The following TMEM266 variants were observed in gnomAD, a reference collection of about 807,000 sequenced individuals.
The protein encoded by TMEM266 is transmembrane protein 266, also known as Hv1 related protein 1.
In TMEM266, 33 loss-of-function variants were observed where a neutral mutation model predicts 50.5. That is an observed-to-expected ratio of 0.65 (90% CI 0.50 to 0.87). TMEM266 has a LOEUF of 0.87. Among genes scored for constraint, TMEM266 ranks in the 40% least tolerant of loss-of-function variants. TMEM266 has a pLI of 0.00. For missense variants in TMEM266, 655 were observed against 695.1 expected (o/e 0.94, Z 0.65); for synonymous variants, 310 against 292.3 (o/e 1.06, Z -0.62).
chr15:76,075,724 A>G (rs552706432), intron 1 of TMEM266, among the ~76,000 whole-genome samples: 2 of 150,664 alleles, frequency 1.3e-5, no homozygotes, highest in African/African-American at 4.9e-5. Context: ...ACTTAGATAT[A>G]TAGGAGTGTC....
chr15:76,171,080 A>G lies in TMEM266; in HGVS notation c.601A>G (p.Ile201Val), dbSNP rs1208867721. The change falls in exon 7 of 11, where the codon ATC (isoleucine) becomes GTC (valine). Residue 201 changes from isoleucine (I) to valine (V), a missense_variant. Physicochemically the swap from Ile to Val is conservative, Grantham distance 29 (BLOSUM62 3). This residue lies in a region of TMEM266 where 101 missense variants were observed against 182.6 expected (regional missense o/e 0.55). Transcript: ENST00000388942. ...TGGACCCAGGAGCCCCTGGGACGCCATCAGCCTCATCATCATGCTCCGGAT... is the reference window on the plus strand; with the variant it reads ...TGGACCCAGGAGCCCCTGGGACGCCGTCAGCCTCATCATCATGCTCCGGAT... Reference protein sequence around the residue: ...DAISLIIMLRIWRVKRVIDAY... With the variant: ...DAISLIIMLRVWRVKRVIDAY... 3 of 1,613,392 alleles carry G rather than the reference A, an allele frequency of 1.9e-6. No individual in the cohort carries two copies. Among genetic ancestry groups the G allele is most frequent in the East Asian group, 2.2e-5 (1 of 44,874 alleles).
chr15:76,176,063 ACGC>A, intron 8 of TMEM266: 1 of 180,972 alleles, frequency 5.5e-6, no homozygotes, highest in Non-Finnish European at 1.2e-5. Flanking sequence ...GCCCATTGCC[ACGC>A]GGGACGCCCA....
intron 1 of TMEM266, among the ~76,000 whole-genome samples, chr15:76,077,731 A>G (rs955368393): frequency 1.3e-5 from 2 of 152,042 alleles, no homozygotes; most frequent in Admixed American, 1.3e-4. Flanking sequence ...AGCTGGAAGA[A>G]GAAAGGAATG....
intron 1 of TMEM266, among the ~76,000 whole-genome samples, chr15:76,071,921 A>G (rs1345108498): frequency 6.7e-6 from 1 of 150,238 alleles, no homozygotes; most frequent in Non-Finnish European, 1.5e-5. Flanking sequence ...TTTTTTTTTT[A>G]AACACCTGAA....
chr15:76,065,016 C>G (rs533874822), intron 1 of TMEM266, among the ~76,000 whole-genome samples: 6 of 152,324 alleles, frequency 3.9e-5, no homozygotes, highest in South Asian at 4.1e-4. Context: ...ATAGTCAAAT[C>G]TTTGTACTTT....
intron 1 of TMEM266, among the ~76,000 whole-genome samples, chr15:76,069,743 G>A (rs1452354467): frequency 8.6e-5 from 13 of 151,922 alleles, no homozygotes; most frequent in African/African-American, 2.2e-4. Flanking sequence ...GCTTGAACCC[G>A]AGAGGTGGAC....
chr15:76,149,703 C>T (rs1173162683), intron 3 of TMEM266, among the ~76,000 whole-genome samples: 2 of 152,136 alleles, frequency 1.3e-5, no homozygotes, highest in East Asian at 3.9e-4. Context: ...CCAGCAACAG[C>T]CAAACAGATG....
chr15:76,155,882 A>G (rs1300752718), intron 3 of TMEM266, among the ~76,000 whole-genome samples: 1 of 152,216 alleles, frequency 6.6e-6, no homozygotes, highest in Non-Finnish European at 1.5e-5. Flanking sequence ...GCAAATTGAG[A>G]TGCTCTCAAA....
intron 8 of TMEM266, among the ~76,000 whole-genome samples, chr15:76,179,033 A>G (rs2038349516): frequency 6.6e-6 from 1 of 152,184 alleles, no homozygotes; most frequent in Non-Finnish European, 1.5e-5. Flanking sequence ...TTGAGACTTG[A>G]CTGGGTAACA....
Position 76,093,656 on chromosome 15 carries a change from A to G in TMEM266, c.-97+33640A>G, listed in dbSNP as rs142562877. Among the ~76,000 whole-genome samples the G allele has an allele frequency of 1.6e-3, 248 of 152,186 alleles. 4 individuals are homozygous for G. Among genetic ancestry groups the G allele is most frequent in the African/African-American group, 5.4e-3 (224 of 41,556 alleles). ...TAATGGGATTGCTGGGTCAAATGGTATTTCTAGTTCTAGATCCTTGAGGAA... is the reference window on the plus strand; with the variant it reads ...TAATGGGATTGCTGGGTCAAATGGTGTTTCTAGTTCTAGATCCTTGAGGAA... On this transcript the variant is annotated intron_variant, in intron 1 of 10. Coordinates refer to ENST00000388942, the MANE Select transcript of TMEM266 (RefSeq NM_152335.3).
chr15:76,144,933 G>A (rs908912225), intron 3 of TMEM266, among the ~76,000 whole-genome samples: 2 of 152,144 alleles, frequency 1.3e-5, no homozygotes, highest in African/African-American at 4.8e-5. Context: ...TTATCTCCAA[G>A]CCTTGTAAAT....
intron 1 of TMEM266, among the ~76,000 whole-genome samples, chr15:76,104,205 C>CAAAAAAA (rs55768096): frequency 2.7e-5 from 4 of 147,142 alleles, no homozygotes; most frequent in Non-Finnish European, 1.5e-5. Flanking sequence ...GATTCTGTCT[C>CAAAAAAA]AAAAAAAAAA....
At chr15:76,064,189 T>A (rs1274161103) in intron 1 of TMEM266, among the ~76,000 whole-genome samples, 2 of 152,244 alleles carry the variant, frequency 1.3e-5, no homozygotes, top group Non-Finnish European at 2.9e-5. Context: ...TCATTCCTAC[T>A]GGCTTTTTAC....
At chr15:76,124,789 ACT>A (rs2037394623) in intron 1 of TMEM266, among the ~76,000 whole-genome samples, 1 of 152,132 alleles carries the variant, frequency 6.6e-6, no homozygotes, top group Non-Finnish European at 1.5e-5. Context: ...ATGGAGTGAG[ACT>A]CTCTCTAAAC....
intron 1 of TMEM266, among the ~76,000 whole-genome samples, chr15:76,109,577 G>A (rs774340608): frequency 2.0e-5 from 3 of 152,188 alleles, no homozygotes; most frequent in African/African-American, 4.8e-5. Flanking sequence ...CAGGAGGATC[G>A]CTTGAGCCCA....
chr15:76,108,348 C>G (rs1318827460), intron 1 of TMEM266, among the ~76,000 whole-genome samples: 1 of 152,224 alleles, frequency 6.6e-6, no homozygotes, highest in Non-Finnish European at 1.5e-5. Flanking sequence ...GCAGTCTCCT[C>G]CAGACAGGGT....
chr15:76,171,144 A>AC lies in TMEM266; in HGVS notation c.652+13_652+14insC, dbSNP rs2038181803. ...AGGGTCATTGATGGTGAGTGGCCCG[A>AC]GGGGGGTGTGGTCAGTGGGGCTGCT... On this transcript the variant is annotated intron_variant, in intron 7 of 10. Transcript: ENST00000388942. 6.2e-7 allele frequency: 1 copy of AC among 1,612,484 alleles called. No homozygotes were observed. Among genetic ancestry groups the AC allele is most frequent in the South Asian group, 1.1e-5 (1 of 90,908 alleles).
chr15:76,066,815 A>G (rs1474646028), intron 1 of TMEM266, among the ~76,000 whole-genome samples: 1 of 152,104 alleles, frequency 6.6e-6, no homozygotes, highest in Non-Finnish European at 1.5e-5. Context: ...ACAAAGGACC[A>G]TATGCTTTGC....
chr15:76,066,117 T>C lies in TMEM266; in HGVS notation c.-97+6101T>C, dbSNP rs189294177. Among the ~76,000 whole-genome samples the C allele has an allele frequency of 9.8e-5, 15 of 152,314 alleles. No individual in the cohort carries two copies. The East Asian group carries it at 2.5e-3, about 25-fold the overall frequency. ...TTTTAAAAAATATCTTCCTCAGCAT[T>C]TAGCACTATAACTTTACACATAGTG... is the stretch of plus-strand genomic sequence containing the variant. On this transcript the variant is annotated intron_variant, in intron 1 of 10. Transcript: ENST00000388942.
Sources: gnomAD v4.1 joint callset for allele counts (sites outside exome capture counted in the v4.1 genomes callset) on GRCh38, gnomAD v4.1.1 for gene constraint, gnomAD v4.1.1 regional missense constraint, MANE v1.5 for transcripts, NCBI Gene and HGNC (gene_info 2026-07-23, HGNC 2026-07-21) for gene names.